Variants in TENM1 observed in about 807,000 individuals in gnomAD.
TENM1 encodes teneurin transmembrane protein 1.
TENM1 carries 35 observed loss-of-function variants against 174.8 expected under a neutral mutation model. That is an observed-to-expected ratio of 0.20 (90% confidence interval 0.15 to 0.27). TENM1 has a LOEUF of 0.27. Among genes scored for constraint, TENM1 ranks in the 10% least tolerant of loss-of-function variants. TENM1 has a pLI of 1.00. For missense variants in TENM1, 1,633 were observed against 2,130.1 expected (o/e 0.77, Z 4.59); for synonymous variants, 781 against 798.7 (o/e 0.98, Z 0.37).
At chrX:125,155,135 C>A in the TENM1 span, among the ~76,000 whole-genome samples, 1 of 111,040 alleles carries the variant, frequency 9.0e-6, no homozygotes, top group Non-Finnish European at 1.9e-5. Context: ...TAAATAAATC[C>A]CTGAGCTAGA....
chrX:125,157,494 G>A, the TENM1 span, among the ~76,000 whole-genome samples: 17 of 112,083 alleles, frequency 1.5e-4, no homozygotes, highest in Non-Finnish European at 1.3e-4. Flanking sequence ...ACCATATTTT[G>A]TTACTGTTAT....
chrX:125,097,630 T>C, the TENM1 span, among the ~76,000 whole-genome samples: 2 of 112,262 alleles, frequency 1.8e-5, no homozygotes, highest in Non-Finnish European at 3.8e-5. Flanking sequence ...TGTGTTAAAA[T>C]TGAGGTCTGT....
chrX:124,943,377 C>T (rs2058358209), intron 1 of TENM1, among the ~76,000 whole-genome samples: 1 of 111,630 alleles, frequency 9.0e-6, no homozygotes, highest in African/African-American at 3.2e-5. Context: ...TCAACCATAT[C>T]TCAATAAAGC....
the TENM1 span, among the ~76,000 whole-genome samples, chrX:125,123,265 A>T: frequency 9.1e-6 from 1 of 110,286 alleles, no homozygotes; most frequent in East Asian, 2.8e-4. Flanking sequence ...TTTATAAATA[A>T]GGTTGTGAAA....
intron 6 of TENM1, among the ~76,000 whole-genome samples, chrX:124,664,710 G>GTGTGTGTT (rs2051707034): frequency 9.4e-6 from 1 of 106,717 alleles, no homozygotes; most frequent in East Asian, 3.0e-4. Context: ...GTGTGTGTGT[G>GTGTGTGTT]TGTGTGTGTG....
At chrX:125,041,648 T>C in the TENM1 span, among the ~76,000 whole-genome samples, 1 of 112,330 alleles carries the variant, frequency 8.9e-6, no homozygotes, top group South Asian at 3.6e-4. Flanking sequence ...ATCTTCTCTC[T>C]GCTTTCTAAG....
chrX:125,122,418 C>A, the TENM1 span, among the ~76,000 whole-genome samples: 1 of 111,307 alleles, frequency 9.0e-6, no homozygotes, highest in South Asian at 3.8e-4. Flanking sequence ...AGGTCTAGAT[C>A]ATTTCGATCA....
chrX:124,718,489 T>C (rs1280106593), intron 4 of TENM1, among the ~76,000 whole-genome samples: 1 of 112,510 alleles, frequency 8.9e-6, no homozygotes, highest in African/African-American at 3.2e-5. Flanking sequence ...AAAATGTATT[T>C]CTCTTGCTTA....
rs186236608 is a variant in TENM1, at chrX:124,614,032, C to T, written c.2077+27759G>A. 9.9e-5 allele frequency among the ~76,000 whole-genome samples: 11 copies of T among 111,442 alleles called. No individual in the cohort carries two copies. The South Asian group carries it at 1.1e-3, about 12-fold the overall frequency. On this transcript the variant is annotated intron_variant, in intron 11 of 31. Transcript: ENST00000422452. ...GTTTGGACTATGTTGCCGATATATG[C>T]GCCCCAAGGCTTGAAGGATAGCTAA...
upstream of TENM1, among the ~76,000 whole-genome samples, chrX:124,964,809 A>T (rs2058704817): frequency 8.9e-6 from 1 of 112,482 alleles, no homozygotes; most frequent in African/African-American, 3.2e-5. Flanking sequence ...TACAATGTTT[A>T]AAAATGTAGT....
At chrX:124,472,666 T>G (rs1293223151) in intron 22 of TENM1, among the ~76,000 whole-genome samples, 1 of 111,507 alleles carries the variant, frequency 9.0e-6, no homozygotes, top group African/African-American at 3.3e-5. Context: ...ATAAAACTAC[T>G]AATTTATCCA....
chrX:124,763,592 T>C (rs1015800489), intron 3 of TENM1, among the ~76,000 whole-genome samples: 1 of 111,206 alleles, frequency 9.0e-6, no homozygotes, highest in Non-Finnish European at 1.9e-5. Flanking sequence ...CTCAGCTGAG[T>C]TGCAACTACT....
the TENM1 span, among the ~76,000 whole-genome samples, chrX:125,076,166 G>A: frequency 1.8e-5 from 2 of 111,664 alleles, no homozygotes; most frequent in South Asian, 3.7e-4. Flanking sequence ...AGCACCAGCA[G>A]TTGAAGCTTC....
rs756092091 is a variant in TENM1, at chrX:124,465,708, T to A, written c.3950-12217A>T. The stretch of plus-strand genomic sequence containing the variant: ...TTCTCCACTTCTTCCCTGTTCTCAT[T>A]TTCCCCCTTTTTTTTTCTCTCCAAA... On this transcript the variant is annotated intron_variant, in intron 22 of 31. Transcript: ENST00000422452. Among the ~76,000 whole-genome samples the A allele has an allele frequency of 2.7e-5, 3 of 110,797 alleles. No homozygotes were observed. The East Asian group carries it at 8.5e-4, about 31-fold the overall frequency.
the TENM1 span, among the ~76,000 whole-genome samples, chrX:125,011,074 C>A: frequency 9.0e-6 from 1 of 111,349 alleles, no homozygotes; most frequent in Non-Finnish European, 1.9e-5. Context: ...CAAAAACAAG[C>A]AATTGGGAAA....
intron 3 of TENM1, among the ~76,000 whole-genome samples, chrX:124,859,121 T>C (rs1299835143): frequency 3.6e-5 from 4 of 111,852 alleles, no homozygotes; most frequent in Non-Finnish European, 7.5e-5. Flanking sequence ...AGGTACCTGG[T>C]AATTTAAATA....
intron 18 of TENM1, among the ~76,000 whole-genome samples, chrX:124,504,621 C>T (rs193174048): frequency 8.0e-4 from 89 of 111,438 alleles, no homozygotes; most frequent in Non-Finnish European, 3.8e-4. Context: ...TATCCTGAAG[C>T]GGCTTTCCCT....
At chrX:124,740,954 A>G (rs563976786) in intron 3 of TENM1, among the ~76,000 whole-genome samples, 2 of 111,780 alleles carry the variant, frequency 1.8e-5, no homozygotes, top group African/African-American at 6.5e-5. Flanking sequence ...GTGATTATGC[A>G]AATGTAGATA....
the TENM1 span, among the ~76,000 whole-genome samples, chrX:125,135,331 C>T: frequency 7.2e-5 from 8 of 111,681 alleles, no homozygotes; most frequent in Admixed American, 7.6e-4. Context: ...CTATAAAGCA[C>T]CTTCTGCATT....
Sources: allele counts gnomAD v4.1 joint callset (sites outside exome capture counted in the v4.1 genomes callset), GRCh38; gene constraint gnomAD v4.1.1; transcripts MANE v1.5; gene names NCBI Gene and HGNC (gene_info 2026-07-23, HGNC 2026-07-21).